Variants in RBM47 observed in about 807,000 individuals in gnomAD.
The protein encoded by RBM47 is RNA binding motif protein 47, also known as RNA-binding protein 47.
RBM47 carries 21 observed loss-of-function variants against 47.1 expected under a neutral mutation model. The ratio of observed to expected loss-of-function variants is 0.45; its 90% CI spans 0.32 to 0.64. RBM47 has a LOEUF of 0.64. RBM47 is among the 30% of genes least tolerant of loss of function. The probability of loss-of-function intolerance (pLI) is 0.05; values close to 1 mark genes in which losing one functional copy is unlikely to be tolerated. For synonymous variants in RBM47, 375 were observed against 361.7 expected (o/e 1.04, Z -0.42); for missense variants, 708 against 870.9 (o/e 0.81, Z 2.35).
At chr4:40,560,840 C>T (rs1730540132) in intron 1 of RBM47, among the ~76,000 whole-genome samples, 1 of 152,116 alleles carries the variant, frequency 6.6e-6, no homozygotes, top group Non-Finnish European at 1.5e-5. Flanking sequence ...GTGGCAGGCG[C>T]CTGTAATCCC....
intron 2 of RBM47, among the ~76,000 whole-genome samples, chr4:40,468,266 G>A (rs543809922): frequency 3.9e-5 from 6 of 152,212 alleles, no homozygotes; most frequent in South Asian, 4.2e-4. Flanking sequence ...CAGCCTGGGC[G>A]ACAGAGCAAG....
intron 1 of RBM47, among the ~76,000 whole-genome samples, chr4:40,549,325 CAA>C (rs1343838991): frequency 3.3e-5 from 5 of 152,070 alleles, no homozygotes; most frequent in African/African-American, 1.2e-4. Context: ...CTTCTGACCT[CAA>C]GTGATCCACC....
intron 1 of RBM47, among the ~76,000 whole-genome samples, chr4:40,579,515 G>A (rs1237056429): frequency 1.3e-5 from 2 of 151,370 alleles, no homozygotes; most frequent in Non-Finnish European, 2.9e-5. Flanking sequence ...TAACTTTAAG[G>A]GTAATTATTT....
chr4:40,611,564 T>C (rs957479448), intron 1 of RBM47, among the ~76,000 whole-genome samples: 1 of 126,750 alleles, frequency 7.9e-6, no homozygotes, highest in African/African-American at 2.8e-5. Flanking sequence ...CTACTAAAAA[T>C]ACAAAAAAAA....
intron 1 of RBM47, among the ~76,000 whole-genome samples, chr4:40,595,928 G>T (rs930393902): frequency 4.0e-5 from 6 of 151,404 alleles, no homozygotes; most frequent in Non-Finnish European, 8.8e-5. Context: ...AAAAAAAAGA[G>T]ATGTTATTTG....
intron 1 of RBM47, among the ~76,000 whole-genome samples, chr4:40,598,209 A>G (rs115265702): frequency 0.011 from 1,688 of 152,292 alleles, 33 homozygotes; most frequent in African/African-American, 0.038. Context: ...GTGCGCACAC[A>G]GGAGATTTAC....
At chr4:40,545,242 G>T (rs1036765397) in intron 1 of RBM47, among the ~76,000 whole-genome samples, 2 of 150,654 alleles carry the variant, frequency 1.3e-5, no homozygotes, top group African/African-American at 4.9e-5. Flanking sequence ...TAGTAGAGAC[G>T]GGGTTTCACC....
intron 2 of RBM47, among the ~76,000 whole-genome samples, chr4:40,479,741 G>A (rs750830822): frequency 6.6e-6 from 1 of 152,014 alleles, no homozygotes; most frequent in Non-Finnish European, 1.5e-5. Flanking sequence ...GGGCTCAAGC[G>A]ATCCTCCTCC....
intron 2 of RBM47, among the ~76,000 whole-genome samples, chr4:40,479,047 A>G (rs1410564870): frequency 6.6e-6 from 1 of 152,250 alleles, no homozygotes; most frequent in East Asian, 1.9e-4. Context: ...GAAATCACAT[A>G]ACTGTATTGG....
At chr4:40,489,096 C>T (rs1003929031) in intron 2 of RBM47, among the ~76,000 whole-genome samples, 3 of 152,130 alleles carry the variant, frequency 2.0e-5, no homozygotes, top group Non-Finnish European at 2.9e-5. Context: ...CTGTATGCCC[C>T]CCTCATGTAT....
intron 1 of RBM47, 74 bp from the exon 2 acceptor site, chr4:40,544,580 T>C (rs1728837784): frequency 3.3e-5 from 5 of 152,134 alleles, no homozygotes; most frequent in Non-Finnish European, 1.5e-5. Flanking sequence ...GATCACTAAA[T>C]GGAACTGGGA....
intron 1 of RBM47, among the ~76,000 whole-genome samples, chr4:40,573,621 T>C (rs1731956741): frequency 6.6e-6 from 1 of 151,828 alleles, no homozygotes; most frequent in Admixed American, 6.6e-5. Flanking sequence ...CATGTGCCTG[T>C]AGTCCCAGCT....
intron 2 of RBM47, among the ~76,000 whole-genome samples, chr4:40,527,519 G>GA (rs978726061): frequency 4.4e-5 from 6 of 137,630 alleles, no homozygotes; most frequent in African/African-American, 1.7e-4. Flanking sequence ...TTGAACTCCT[G>GA]ACCTCAAGTC....
chr4:40,604,906 G>A (rs766877537), intron 1 of RBM47, among the ~76,000 whole-genome samples: 8 of 152,052 alleles, frequency 5.3e-5, no homozygotes, highest in South Asian at 2.1e-4. Flanking sequence ...TAGTAGAGAC[G>A]GGGTTTCACC....
In RBM47 at chr4:40,566,815, C is replaced by T. The variant is rs115033441; in HGVS notation, c.-239-22309G>A. On this transcript the variant is annotated intron_variant, in intron 1 of 6. Coordinates refer to ENST00000295971, the MANE Select transcript of RBM47 (RefSeq NM_001098634.2). ...TGGATAATGATAAATGAAATTAACA[C>T]GGGTAAAGCGCTAAGAGCAGTAGCT... is the stretch of plus-strand genomic sequence containing the variant. Among the ~76,000 whole-genome samples, 204 of 152,014 alleles carry T rather than the reference C, an allele frequency of 1.3e-3. 4 individuals are homozygous for T. Among genetic ancestry groups the T allele is most frequent in the Non-Finnish European group, 1.8e-3 (122 of 67,860 alleles).
chr4:40,524,638 T>A (rs1292135791), intron 2 of RBM47, among the ~76,000 whole-genome samples: 3 of 152,178 alleles, frequency 2.0e-5, no homozygotes, highest in Non-Finnish European at 4.4e-5. Context: ...GACAACAGCA[T>A]AGTTCTGGGC....
Position 40,425,672 on chromosome 4 carries a change from G to A in RBM47, c.*232C>T. The A allele has an allele frequency of 1.9e-6, 1 of 517,944 alleles. No homozygotes were observed. Among genetic ancestry groups the A allele is most frequent in the Non-Finnish European group, 3.3e-6 (1 of 303,332 alleles). The allele number at this position is 517,944 out of a possible 1,614,324, so 32.1% of individuals were successfully genotyped here. ...CAAATTTTTAAAAGATGGAATGAAGGCACGAACCATTGCAAGTCTTTTGGA... is the reference window on the plus strand; with the variant it reads ...CAAATTTTTAAAAGATGGAATGAAGACACGAACCATTGCAAGTCTTTTGGA... On this transcript the variant is annotated 3_prime_UTR_variant, in exon 7 of 7. Coordinates refer to ENST00000295971, the MANE Select transcript of RBM47 (RefSeq NM_001098634.2).
chr4:40,546,969 T>C (rs933519806), intron 1 of RBM47, among the ~76,000 whole-genome samples: 2 of 152,232 alleles, frequency 1.3e-5, no homozygotes, highest in Non-Finnish European at 2.9e-5. Flanking sequence ...TCTGACTAAA[T>C]GTTAGCTGCT....
At chr4:40,543,355 G>C (rs668790) in intron 2 of RBM47, 13,461 of 152,162 alleles carry the variant, frequency 0.088, 1,090 homozygotes, top group African/African-American at 0.22. Flanking sequence ...CTGATTCTGG[G>C]ATCTTATGTC....
Sources: gnomAD v4.1 joint callset for allele counts (sites outside exome capture counted in the v4.1 genomes callset) on GRCh38, gnomAD v4.1.1 for gene constraint, MANE v1.5 for transcripts, NCBI Gene and HGNC (gene_info 2026-07-23, HGNC 2026-07-21) for gene names.